CPAMD8: variants seen among roughly 807,000 people sequenced by gnomAD.
CPAMD8 encodes the protein C3 and PZP like alpha-2-macroglobulin domain containing 8, also known as C3 and PZP-like alpha-2-macroglobulin domain-containing protein 8.
In CPAMD8, 146 loss-of-function variants were observed where a neutral mutation model predicts 224.7. That is an observed-to-expected ratio of 0.65 (90% CI 0.57 to 0.75). CPAMD8 has a LOEUF of 0.75. Among genes scored for constraint, CPAMD8 ranks in the 30% least tolerant of loss-of-function variants. CPAMD8 has a pLI of 0.00. For missense variants in CPAMD8, 2,301 were observed against 2,537.5 expected (o/e 0.91, Z 2.00); for synonymous variants, 966 against 1,044.6 (o/e 0.92, Z 1.45).
At chr19:16,914,598 G>A (rs79171477) in intron 28 of CPAMD8, 59 bp downstream of exon 28, 1 of 1,613,026 alleles carries the variant, frequency 6.2e-7, no homozygotes, top group Middle Eastern at 1.6e-4. Context: ...AGGCAGGTCA[G>A]GGCTGGGGCT....
At chr19:16,950,319 A>C (rs986076796) in intron 20 of CPAMD8, among the ~76,000 whole-genome samples, 14 of 151,908 alleles carry the variant, frequency 9.2e-5, no homozygotes, top group Admixed American at 3.3e-4. Context: ...TAAATAAATA[A>C]ATAATAATGC....
intron 41 of CPAMD8, chr19:16,895,884 T>A (rs1568441914): frequency 3.8e-6 from 2 of 528,334 alleles, no homozygotes; most frequent in East Asian, 4.2e-5. Flanking sequence ...TTGACCCGTA[T>A]GCGCGCGCGC....
At chr19:16,980,813 G>C (rs1183659318) in intron 13 of CPAMD8, 127 bp from the exon 14 acceptor site, 1 of 615,918 alleles carries the variant, frequency 1.6e-6, no homozygotes, top group Non-Finnish European at 2.7e-6. Context: ...CCAGCATCCA[G>C]TCCTGGCCCC....
At chr19:16,947,805 G>A (rs186723659) in intron 20 of CPAMD8, among the ~76,000 whole-genome samples, 74 of 152,294 alleles carry the variant, frequency 4.9e-4, no homozygotes, top group Middle Eastern at 3.4e-3. Context: ...TGCATCTACC[G>A]GGTGAAGGCA....
Position 16,914,807 on chromosome 19 carries a change from T to C in CPAMD8, c.3636A>G (p.Thr1212=). 1 of 1,608,224 alleles carries C rather than the reference T, an allele frequency of 6.2e-7. No homozygotes were observed. Among genetic ancestry groups the C allele is most frequent in the Non-Finnish European group, 8.5e-7 (1 of 1,176,862 alleles). Residue 1212 remains threonine, a synonymous_variant, in exon 28 of 42, where the codon ACA becomes ACG. Coordinates refer to ENST00000443236, the MANE Select transcript of CPAMD8 (RefSeq NM_015692.5). The part of the protein sequence containing the change: ...ERDASGSMWL[T]AFVLKSFAQA... ...GTGCGAAGGACTTCAGGACAAAGGC[T>C]GTGAGCCTGAAAGAGGACAGGGTGT...
intron 3 of CPAMD8, among the ~76,000 whole-genome samples, chr19:17,018,029 TA>T (rs35265697): frequency 0.25 from 33,592 of 132,732 alleles, 3,865 homozygotes; most frequent in East Asian, 0.33. Flanking sequence ...CAAGACTGCT[TA>T]AAAAAAAAAA....
intron 25 of CPAMD8, 108 bp downstream of exon 25, chr19:16,927,901 C>A (rs1312950105): frequency 1.6e-5 from 13 of 803,554 alleles, no homozygotes. Context: ...TGGGTGGACA[C>A]CCCAAGACAC....
At position 16,955,919 on chromosome 19, in the gene CPAMD8, C is replaced by T. The variant is rs564535791; in HGVS notation, c.2276+1934G>A. ...CTTGAACTCCTGGGCTCAAGCAATC[C>T]TCCTGCCTCAGCCTCTCAAAGTGCT... On this transcript the variant is annotated intron_variant, in intron 19 of 41. Coordinates refer to ENST00000443236, the MANE Select transcript of CPAMD8 (RefSeq NM_015692.5). Among the ~76,000 whole-genome samples, 10 of 152,244 alleles carry T rather than the reference C, an allele frequency of 6.6e-5. No homozygotes were observed. In the South Asian group the frequency reaches 1.9e-3, roughly 28 times the overall value.
chr19:16,955,076 C>G (rs185713786), intron 19 of CPAMD8, among the ~76,000 whole-genome samples: 1 of 152,006 alleles, frequency 6.6e-6, no homozygotes, highest in Non-Finnish European at 1.5e-5. Flanking sequence ...TGCAGTGAGC[C>G]GAGATCGCAC....
At chr19:16,941,385 A>G (rs1475529279) in intron 22 of CPAMD8, among the ~76,000 whole-genome samples, 2 of 152,208 alleles carry the variant, frequency 1.3e-5, no homozygotes, top group African/African-American at 2.4e-5. Context: ...TGCACCGTGG[A>G]TGAACCCTGA....
At chr19:16,930,156 G>T (rs1413428567) in intron 23 of CPAMD8, among the ~76,000 whole-genome samples, 1 of 152,004 alleles carries the variant, frequency 6.6e-6, no homozygotes, top group Non-Finnish European at 1.5e-5. Context: ...TCAGGAGGCT[G>T]AGGTGGGAGA....
chr19:16,972,095 G>C (rs529973153), intron 17 of CPAMD8, among the ~76,000 whole-genome samples: 3 of 152,022 alleles, frequency 2.0e-5, no homozygotes, highest in Non-Finnish European at 4.4e-5. Context: ...GGGAGAGCAG[G>C]GGAGGAAATC....
Position 16,975,196 on chromosome 19 carries a change from A to T in CPAMD8, c.1971T>A (p.Gly657=). Residue 657 remains glycine (G), a synonymous_variant, in exon 17 of 42, where the codon GGT becomes GGA. Coordinates refer to ENST00000443236, the MANE Select transcript of CPAMD8 (RefSeq NM_015692.5). ...SDSFGVSRED[G]PFWWAGLTAQ... ...CCGTCAGCCCAGCCCACCAAAAAGGACCATCCTCCCTGGACACGCCAAAGG... is the reference window on the plus strand; with the variant it reads ...CCGTCAGCCCAGCCCACCAAAAAGGTCCATCCTCCCTGGACACGCCAAAGG... The T allele has an allele frequency of 6.2e-7, 1 of 1,611,500 alleles. No individual in the cohort carries two copies. The highest frequency in any genetic ancestry group is 8.5e-7 in the Non-Finnish European group (1 of 1,178,874).
chr19:16,900,197 G>C (rs2052197237), intron 36 of CPAMD8, among the ~76,000 whole-genome samples: 1 of 152,146 alleles, frequency 6.6e-6, no homozygotes, highest in African/African-American at 2.4e-5. Context: ...AGGGTTGTGA[G>C]GGTGACAGCT....
At chr19:16,896,986 C>A (rs932021115) in intron 39 of CPAMD8, 20 of 235,538 alleles carry the variant, frequency 8.5e-5, no homozygotes, top group African/African-American at 4.3e-4. Flanking sequence ...CCACACCCAC[C>A]CCAACCCCAC....
chr19:16,905,863 A>G (rs1287464301), intron 30 of CPAMD8, among the ~76,000 whole-genome samples: 4 of 152,108 alleles, frequency 2.6e-5, no homozygotes, highest in African/African-American at 9.7e-5. Flanking sequence ...GAGAAAGTCA[A>G]AGCTCAGGGA....
At chr19:16,897,865 G>C in intron 38 of CPAMD8, 24 bp downstream of exon 38, 1 of 1,590,204 alleles carries the variant, frequency 6.3e-7, no homozygotes, top group Non-Finnish European at 8.6e-7. Context: ...GGGCCGGGCC[G>C]GGGGTGCGGG....
chr19:16,975,792 C>G (rs1170490239), intron 16 of CPAMD8, among the ~76,000 whole-genome samples: 1 of 152,190 alleles, frequency 6.6e-6, no homozygotes, highest in African/African-American at 2.4e-5. Context: ...ATCTGATGAC[C>G]TTGACTCCCT....
Position 17,026,726 on chromosome 19 carries a change from T to G in CPAMD8, c.-84A>C, listed in dbSNP as rs991087658. On this transcript the variant is annotated 5_prime_UTR_variant, in exon 1 of 42. Transcript: ENST00000443236. ...GGCCAGGGTCCGAGCGCGGCCGTCC[T>G]CGCGCCGCCGCCGGGGGCCCTTTGT... 114 of 1,219,772 alleles carry G rather than the reference T, an allele frequency of 9.3e-5. No individual in the cohort carries two copies. In the African/African-American group the frequency reaches 1.2e-3, roughly 13 times the overall value. 75.6% of individuals were successfully genotyped at this position (1,219,772 alleles called of 1,614,324 possible). A position where few individuals can be genotyped will look rare whatever the true frequency, so the allele number is the denominator to read the frequency against.
Sources: gnomAD v4.1 joint callset for allele counts (sites outside exome capture counted in the v4.1 genomes callset) on GRCh38, gnomAD v4.1.1 for gene constraint, MANE v1.5 for transcripts, NCBI Gene and HGNC (gene_info 2026-07-23, HGNC 2026-07-21) for gene names.